The following GALK1 variants were observed in gnomAD, a reference collection of about 807,000 sequenced individuals.
GALK1 encodes galactokinase.
In GALK1, 30 loss-of-function variants were observed where a neutral mutation model predicts 38.6. That is an observed-to-expected ratio of 0.78 (90% confidence interval 0.58 to 1.05). GALK1 has a LOEUF of 1.05. GALK1 is among the 50% of genes least tolerant of loss of function. The probability of loss-of-function intolerance (pLI) is 0.00; values close to 1 mark genes in which losing one functional copy is unlikely to be tolerated. For synonymous variants in GALK1, 240 were observed against 233.6 expected (o/e 1.03, Z -0.25); for missense variants, 512 against 540.5 (o/e 0.95, Z 0.52).
chr17:75,754,814 C>A (rs143636541), downstream of GALK1: 1 of 1,614,050 alleles, frequency 6.2e-7, no homozygotes, highest in East Asian at 2.2e-5. Context: ...TCTCCTCCCA[C>A]GGTGAGTGAC....
intron 5 of GALK1, among the ~76,000 whole-genome samples, chr17:75,761,170 G>C (rs4788909): frequency 0.78 from 118,569 of 151,804 alleles, 46,669 homozygotes; most frequent in East Asian, 0.96. Context: ...CCACTGCACT[G>C]CAGCCTGGGT....
chr17:75,757,715 G>T (rs753854999), downstream of GALK1: 25 of 992,090 alleles, frequency 2.5e-5, no homozygotes, highest in African/African-American at 3.2e-4. Flanking sequence ...AAGGGGGCAA[G>T]GTCCGTCCTC....
downstream of GALK1, chr17:75,753,966 C>A: frequency 8.0e-7 from 1 of 1,257,068 alleles, no homozygotes; most frequent in Non-Finnish European, 1.0e-6. Context: ...ACACCCGGGC[C>A]CCCCGGAGGT....
Position 75,762,906 on chromosome 17 carries a change from G to C in GALK1, c.612-21C>G, listed in dbSNP as rs201674095. On this transcript the variant is annotated intron_variant, in intron 4 of 7. Transcript: ENST00000588479. ...AGGACCTGGGGTGGAGTTACAATGGGGGAGATGACGAGGCCAAGCGTGTGC... is the reference window on the plus strand; with the variant it reads ...AGGACCTGGGGTGGAGTTACAATGGCGGAGATGACGAGGCCAAGCGTGTGC... The C allele has an allele frequency of 2.5e-6, 4 of 1,612,894 alleles. No homozygotes were observed. In the Admixed American group the frequency reaches 6.7e-5, roughly 27 times the overall value.
chr17:75,753,948 G>A, downstream of GALK1: 4 of 1,272,188 alleles, frequency 3.1e-6, no homozygotes, highest in East Asian at 6.4e-5. Flanking sequence ...AGCCTGCCCC[G>A]CAGTGCGACA....
chr17:75,764,022 G>A lies in GALK1; in HGVS notation c.230C>T (p.Thr77Ile), dbSNP rs767571292. Residue 77 changes from threonine to isoleucine, a missense_variant, in exon 2 of 8, where the codon ACC becomes ATC. Coordinates refer to ENST00000588479, the MANE Select transcript of GALK1 (RefSeq NM_000154.2). ...PRKDGLVSLL[T>I]TSEGADEPQR... The stretch of plus-strand genomic sequence containing the variant: ...GGGCTCATCGGCACCCTCAGAGGTG[G>A]TGAGGAGAGACACCAGCCCATCCTT... 2 of 1,607,328 alleles carry A rather than the reference G, an allele frequency of 1.2e-6. No individual in the cohort carries two copies. Among genetic ancestry groups the A allele is most frequent in the South Asian group, 2.2e-5 (2 of 90,226 alleles).
chr17:75,765,120 T>C lies in GALK1; in HGVS notation c.17A>G (p.Gln6Arg), dbSNP rs2061605541. ...GGCCAGCAGCTCCGCGACCTGGGGC[T>C]GTCTCAAAGCAGCCATGACGCGCGC... MAALR[Q>R]PQVAELLAEA... Residue 6 changes from glutamine (Q) to arginine (R), a missense_variant, in exon 1 of 8, where the codon CAG (glutamine) becomes CGG (arginine). Gln to Arg is a conservative substitution (Grantham distance 43). Coordinates refer to ENST00000588479, the MANE Select transcript of GALK1 (RefSeq NM_000154.2). 3 of 1,578,164 alleles carry C rather than the reference T, an allele frequency of 1.9e-6. No individual in the cohort carries two copies. The highest frequency in any genetic ancestry group is 1.7e-6 in the Non-Finnish European group (2 of 1,163,808).
downstream of GALK1, chr17:75,753,741 A>C: frequency 7.2e-7 from 1 of 1,390,034 alleles, no homozygotes; most frequent in African/African-American, 1.5e-5. Flanking sequence ...GGCGGTGCCA[A>C]CGCGGCCCTT....
At chr17:75,752,810 C>T (rs1271127177) in intron 8 of GALK1, among the ~76,000 whole-genome samples, 1 of 152,156 alleles carries the variant, frequency 6.6e-6, no homozygotes, top group Non-Finnish European at 1.5e-5. Flanking sequence ...CACGGGACCA[C>T]GAAGAAACAC....
chr17:75,755,708 C>G (rs910425620), downstream of GALK1: 1 of 1,612,838 alleles, frequency 6.2e-7, no homozygotes, highest in Non-Finnish European at 8.5e-7. Context: ...CAGACTCTCG[C>G]CTGACTGCTG....
rs376516996 is a variant in GALK1, at chr17:75,758,176, G to T, written c.1107+34C>A. 4.3e-6 allele frequency: 7 copies of T among 1,609,792 alleles called. No homozygotes were observed. The South Asian group carries it at 7.7e-5, about 18-fold the overall frequency. ...AGTGGCAGGGCCCCGGGAAGCTGCC[G>T]CTCCTGCCCGCCCAGGCCCTGGTGC... is the stretch of plus-strand genomic sequence containing the variant. On this transcript the variant is annotated intron_variant, in intron 7 of 7. Coordinates refer to ENST00000588479, the MANE Select transcript of GALK1 (RefSeq NM_000154.2).
chr17:75,751,758 A>T, intron 8 of GALK1: 1 of 238,484 alleles, frequency 4.2e-6, no homozygotes, highest in South Asian at 5.1e-5. Flanking sequence ...ATAAATAAAA[A>T]GGATTATTTT....
downstream of GALK1, chr17:75,757,396 T>G (rs769204722): frequency 1.2e-6 from 2 of 1,613,032 alleles, no homozygotes; most frequent in Non-Finnish European, 8.5e-7. Context: ...CCAGGTCATC[T>G]AATGCCTCCT....
chr17:75,754,756 A>G, downstream of GALK1: 1 of 1,612,310 alleles, frequency 6.2e-7, no homozygotes, highest in South Asian at 1.1e-5. Flanking sequence ...CGCTCAGAAC[A>G]CTCACACTCG....
At chr17:75,754,695 C>T (rs61735299), downstream of GALK1, 64 of 1,614,150 alleles carry the variant, frequency 4.0e-5, no homozygotes, top group African/African-American at 6.8e-4. Flanking sequence ...CGTGCCCCAC[C>T]GCGTGCTAAG....
Position 75,764,085 on chromosome 17 carries a change from G to T in GALK1, c.167C>A (p.Ala56Asp). ...DYNQGLVLPM[A>D]LELMTVLVGS... ...CACCAGCACCGTCATGAGCTCCAGA[G>T]CCTGGCAGGAGAGACAAGCAGTACG... The change falls in exon 2 of 8, where the codon GCT becomes GAT. Residue 56 changes from alanine (A) to aspartate (D), a missense_variant and splice_region_variant. By Grantham distance (126) the Ala-to-Asp change is moderately radical. Coordinates refer to ENST00000588479, the MANE Select transcript of GALK1 (RefSeq NM_000154.2). 1 of 1,575,628 alleles carries T rather than the reference G, an allele frequency of 6.3e-7. No homozygotes were observed. Among genetic ancestry groups the T allele is most frequent in the South Asian group, 1.1e-5 (1 of 87,592 alleles).
intron 8 of GALK1, chr17:75,752,398 G>A (rs1333838142): frequency 6.2e-7 from 1 of 1,612,650 alleles, no homozygotes; most frequent in Non-Finnish European, 8.5e-7. Flanking sequence ...CCGGGCAGGG[G>A]GGCAGGGGGC....
Position 75,757,916 on chromosome 17 carries a change from C to A in GALK1, c.*140G>T, listed in dbSNP as rs1171981605. 7 of 971,556 alleles carry A rather than the reference C, an allele frequency of 7.2e-6. No homozygotes were observed. The highest frequency in any genetic ancestry group is 1.1e-5 in the Non-Finnish European group (7 of 633,416). The allele number at this position is 971,556 out of a possible 1,614,324, so 60.2% of individuals were successfully genotyped here. A position where few individuals can be genotyped will look rare whatever the true frequency, so the allele number is the denominator to read the frequency against. ...CCATTCTCTGACACCCAAGCATACA[C>A]CCACCTCTAGAGGAGGCAGGTACCA... On this transcript the variant is annotated 3_prime_UTR_variant, in exon 8 of 8. Coordinates refer to ENST00000588479, the MANE Select transcript of GALK1 (RefSeq NM_000154.2).
intron 1 of GALK1, chr17:75,764,551 C>A: frequency 2.1e-6 from 1 of 470,284 alleles, no homozygotes; most frequent in Non-Finnish European, 4.2e-6. Flanking sequence ...CCTCTCTAGG[C>A]CTCAGTTTCC....
Sources: allele counts gnomAD v4.1 joint callset (sites outside exome capture counted in the v4.1 genomes callset), GRCh38; gene constraint gnomAD v4.1.1; transcripts MANE v1.5; gene names NCBI Gene and HGNC (gene_info 2026-07-23, HGNC 2026-07-21).